SNX10: variants seen among roughly 807,000 people sequenced by gnomAD.
The protein encoded by SNX10 is sorting nexin-10.
In SNX10, 25 loss-of-function variants were observed where a neutral mutation model predicts 28.5. That is an observed-to-expected ratio of 0.88 (90% confidence interval 0.64 to 1.22). The LOEUF (loss-of-function observed/expected upper bound fraction) is 1.22, where lower values mean the gene tolerates loss of function less well. Among genes scored for constraint, SNX10 ranks in the 50% most tolerant of loss-of-function variants. The pLI, the probability that SNX10 is intolerant of heterozygous loss-of-function variation, is 0.00. For missense variants in SNX10, 223 were observed against 242.6 expected (o/e 0.92, Z 0.54); for synonymous variants, 62 against 81.4 (o/e 0.76, Z 1.28).
intron 1 of SNX10, among the ~76,000 whole-genome samples, chr7:26,330,106 G>C (rs552476717): frequency 3.9e-5 from 6 of 152,164 alleles, no homozygotes; most frequent in Admixed American, 1.3e-4. Flanking sequence ...GTGGCCACAT[G>C]GGGGTTGGTA....
At chr7:26,366,836 T>G (rs1789308612) in intron 5 of SNX10, among the ~76,000 whole-genome samples, 1 of 152,240 alleles carries the variant, frequency 6.6e-6, no homozygotes, top group Non-Finnish European at 1.5e-5. Context: ...CTATCCACAG[T>G]TGATCTACCC....
chr7:26,310,834 C>T (rs1406256948), intron 1 of SNX10, among the ~76,000 whole-genome samples: 1 of 152,056 alleles, frequency 6.6e-6, no homozygotes, highest in Non-Finnish European at 1.5e-5. Context: ...AGGCGCCTGC[C>T]ACCACGGCTG....
At chr7:26,357,806 G>C (rs1250069929) in intron 2 of SNX10, among the ~76,000 whole-genome samples, 2 of 152,052 alleles carry the variant, frequency 1.3e-5, no homozygotes, top group Admixed American at 1.3e-4. Context: ...GTTGGTGGGA[G>C]ATGCTCTTCA....
intron 1 of SNX10, among the ~76,000 whole-genome samples, chr7:26,342,161 G>A (rs1026335488): frequency 5.3e-5 from 8 of 151,782 alleles, no homozygotes; most frequent in Non-Finnish European, 7.4e-5. Flanking sequence ...CAAGTAGCTG[G>A]GATTATAGGC....
intron 1 of SNX10, among the ~76,000 whole-genome samples, chr7:26,327,266 T>C (rs1242913162): frequency 6.6e-6 from 1 of 152,184 alleles, no homozygotes; most frequent in African/African-American, 2.4e-5. Context: ...TAATTATCTT[T>C]TGAAGTGCAG....
chr7:26,345,877 A>G (rs571079683), intron 1 of SNX10, among the ~76,000 whole-genome samples: 56 of 152,262 alleles, frequency 3.7e-4, no homozygotes, highest in African/African-American at 1.3e-3. Context: ...GAATCAAACA[A>G]CAGGCTGGCT....
At chr7:26,298,970 A>G (rs1786215791) in intron 1 of SNX10, among the ~76,000 whole-genome samples, 2 of 152,212 alleles carry the variant, frequency 1.3e-5, no homozygotes, top group African/African-American at 2.4e-5. Flanking sequence ...CTGTTTCCAA[A>G]TACCAACACA....
intron 2 of SNX10, chr7:26,354,208 G>A (rs1394394542): frequency 1.3e-5 from 2 of 152,162 alleles, no homozygotes; most frequent in Non-Finnish European, 1.5e-5. Flanking sequence ...ATCATTGTAG[G>A]GTTAATTGTA....
At position 26,364,950 on chromosome 7, in the gene SNX10, A is replaced by C. The variant is rs1789229180; in HGVS notation, c.213-97A>C. On this transcript the variant is annotated intron_variant, in intron 4 of 6. Transcript: ENST00000338523. The surrounding 1 kb of genome is among the most constrained non-coding windows in gnomAD (Gnocchi z 4.9). ...AATTATAGAATAACTGTGTGATAAT[A>C]ATCATCATACATAATTTGCCTTCAC... 1.5e-6 allele frequency: 1 copy of C among 689,194 alleles called. No homozygotes were observed. The highest frequency in any genetic ancestry group is 2.6e-6 in the Non-Finnish European group (1 of 378,534). The allele number at this position is 689,194 out of a possible 1,614,324, so 42.7% of individuals were successfully genotyped here.
At chr7:26,366,473 C>A (rs1049714060) in intron 5 of SNX10, among the ~76,000 whole-genome samples, 2 of 152,142 alleles carry the variant, frequency 1.3e-5, no homozygotes, top group African/African-American at 2.4e-5. Flanking sequence ...CCTCCGAAAA[C>A]ATTTCATTGT....
chr7:26,372,388 G>A (rs945168253), intron 6 of SNX10, 103 bp from the exon 7 acceptor site: 1 of 769,502 alleles, frequency 1.3e-6, no homozygotes, highest in African/African-American at 1.7e-5. Context: ...GTCTCTCTTT[G>A]TGACTGGAGA....
intron 1 of SNX10, among the ~76,000 whole-genome samples, chr7:26,313,827 T>C (rs1786946127): frequency 6.6e-6 from 1 of 152,184 alleles, no homozygotes; most frequent in South Asian, 2.1e-4. Flanking sequence ...TTTTCTGAGA[T>C]GGAGACTCAC....
At chr7:26,296,116 C>T (rs1454999953) in intron 1 of SNX10, among the ~76,000 whole-genome samples, 1 of 151,916 alleles carries the variant, frequency 6.6e-6, no homozygotes, top group Non-Finnish European at 1.5e-5. Flanking sequence ...GCCTGCACAA[C>T]AGAATTAGAC....
At chr7:26,336,820 AT>A (rs1787962972) in intron 1 of SNX10, among the ~76,000 whole-genome samples, 1 of 151,898 alleles carries the variant, frequency 6.6e-6, no homozygotes, top group African/African-American at 2.4e-5. Context: ...AACATAATTC[AT>A]TTTTTTTCTA....
At chr7:26,316,385 A>G (rs1038637474) in intron 1 of SNX10, among the ~76,000 whole-genome samples, 4 of 152,294 alleles carry the variant, frequency 2.6e-5, no homozygotes, top group Admixed American at 2.6e-4. Context: ...TGATTACATT[A>G]TCCTTTAACC....
chr7:26,336,841 T>C (rs1787964043), intron 1 of SNX10, among the ~76,000 whole-genome samples: 2 of 152,252 alleles, frequency 1.3e-5, no homozygotes, highest in Admixed American at 1.3e-4. Flanking sequence ...ACTCCGCTTA[T>C]GGACGTTTAG....
At chr7:26,349,519 G>C (rs6946704) in intron 2 of SNX10, among the ~76,000 whole-genome samples, 1 of 152,098 alleles carries the variant, frequency 6.6e-6, no homozygotes, top group Non-Finnish European at 1.5e-5. Flanking sequence ...AGCAGTATCC[G>C]AGCTGATGGA....
At chr7:26,371,242 T>G (rs544516997) in intron 5 of SNX10, among the ~76,000 whole-genome samples, 43 of 152,088 alleles carry the variant, frequency 2.8e-4, no homozygotes, top group Non-Finnish European at 5.3e-4. Flanking sequence ...GATTCAGTGC[T>G]CCTAAAGATT....
intron 1 of SNX10, among the ~76,000 whole-genome samples, chr7:26,324,701 G>A (rs934467483): frequency 7.2e-5 from 11 of 152,002 alleles, no homozygotes; most frequent in Admixed American, 3.3e-4. Context: ...ATGACTGAGT[G>A]GGGAATGAAG....
Sources: allele counts gnomAD v4.1 joint callset (sites outside exome capture counted in the v4.1 genomes callset), GRCh38; gene constraint gnomAD v4.1.1; non-coding constraint Gnocchi (gnomAD v3.1); transcripts MANE v1.5; gene names NCBI Gene and HGNC (gene_info 2026-07-23, HGNC 2026-07-21).